Variants in ITPR3 observed in about 807,000 individuals in gnomAD.
The protein encoded by ITPR3 is inositol 1,4,5-trisphosphate receptor type 3.
A neutral mutation model predicts 293.2 loss-of-function variants in ITPR3; 173 were observed. The ratio of observed to expected loss-of-function variants is 0.59; its 90% CI spans 0.52 to 0.67. The LOEUF (loss-of-function observed/expected upper bound fraction) is 0.67. ITPR3 is among the 30% of genes least tolerant of loss of function. The pLI is 0.00. For synonymous variants in ITPR3, 1,295 were observed against 1,444.4 expected (o/e 0.90, Z 2.35); for missense variants, 2,796 against 3,592.1 (o/e 0.78, Z 5.66).
chr6:33,662,227 A>G (rs1387827320), intron 7 of ITPR3, among the ~76,000 whole-genome samples: 2 of 151,744 alleles, frequency 1.3e-5, no homozygotes, highest in Non-Finnish European at 2.9e-5. Context: ...GGGCCGTTAG[A>G]GGTTAGGCAG....
At chr6:33,680,504 T>G (rs1765043753) in intron 32 of ITPR3, 50 bp downstream of exon 32, 1 of 1,610,340 alleles carries the variant, frequency 6.2e-7, no homozygotes, top group East Asian at 2.2e-5. Flanking sequence ...GGTGTGGGAG[T>G]GGAGGGGCCC....
At chr6:33,625,559 C>T (rs1227548529) in intron 1 of ITPR3, among the ~76,000 whole-genome samples, 2 of 152,166 alleles carry the variant, frequency 1.3e-5, no homozygotes, top group Admixed American at 6.5e-5. Flanking sequence ...AGAGAGGTAG[C>T]CCCAGACCCA....
In ITPR3 at chr6:33,670,051, C is replaced by T. The variant is rs1764714363; in HGVS notation, c.2190-274C>T. Among the ~76,000 whole-genome samples, 1 of 152,082 alleles carries T rather than the reference C, an allele frequency of 6.6e-6. No individual in the cohort carries two copies. The highest frequency in any genetic ancestry group is 1.5e-5 in the Non-Finnish European group (1 of 67,990). On this transcript the variant is annotated intron_variant, in intron 18 of 57. Transcript: ENST00000605930. This position sits in a 1 kb window ranked among gnomAD's most constrained non-coding sequence, Gnocchi z 6.7. ...GGCTGGCTCTTCTCATCTCACTGCCCTCCCCTGTCTCCCACCCTTTCCCTC... is the reference window on the plus strand; with the variant it reads ...GGCTGGCTCTTCTCATCTCACTGCCTTCCCCTGTCTCCCACCCTTTCCCTC...
At position 33,686,453 on chromosome 6, in the gene ITPR3, C is replaced by G; in HGVS notation, c.5913C>G (p.Thr1971=). The part of the protein sequence containing the change: ...THESNGIDII[T]ALILNDISPL... ...AGTCCAATGGCATAGACATCATCAC[C>G]GCACTGATCCTCAATGACATCAGCC... Residue 1971 remains threonine, a synonymous_variant, in exon 43 of 58, where the codon ACC becomes ACG. Transcript: ENST00000605930. 1 of 1,614,242 alleles carries G rather than the reference C, an allele frequency of 6.2e-7. No individual in the cohort carries two copies. The highest frequency in any genetic ancestry group is 8.5e-7 in the Non-Finnish European group (1 of 1,180,046).
rs909246381 is a variant in ITPR3 at position 33,632,814 on chromosome 6, C to A, written c.90-7670C>A. Among the ~76,000 whole-genome samples the A allele has an allele frequency of 6.6e-6, 1 of 152,242 alleles. No individual in the cohort carries two copies. Among genetic ancestry groups the A allele is most frequent in the Non-Finnish European group, 1.5e-5 (1 of 68,036 alleles). On this transcript the variant is annotated intron_variant, in intron 1 of 57. Transcript: ENST00000605930. This position sits in a 1 kb window ranked among gnomAD's most constrained non-coding sequence, Gnocchi z 4.1. ...GCTGGTCCTGGAGGGGAGAAGGGGA[C>A]ACACAGGTGTAGACAGGGCTCCTGT...
chr6:33,683,716 C>T lies in ITPR3; in HGVS notation c.4789-304C>T, dbSNP rs1006888272. 6.6e-6 allele frequency among the ~76,000 whole-genome samples: 1 copy of T among 152,180 alleles called. No homozygotes were observed. The highest frequency in any genetic ancestry group is 1.5e-5 in the Non-Finnish European group (1 of 68,030). ...TGCAGCACATTTCTGTGCGCTGTCT[C>T]GTTGGCCTGTAGAGGGGGTGTGGTG... On this transcript the variant is annotated intron_variant, in intron 35 of 57. Transcript: ENST00000605930. This position sits in a 1 kb window ranked among gnomAD's most constrained non-coding sequence, Gnocchi z 4.5.
rs1765549406 is a variant in ITPR3 at position 33,696,526 on chromosome 6, A to G, written c.*746A>G. 6.6e-6 allele frequency: 1 copy of G among 152,650 alleles called. No individual in the cohort carries two copies. The highest frequency in any genetic ancestry group is 2.4e-5 in the African/African-American group (1 of 41,464). 9.5% of individuals were successfully genotyped at this position (152,650 alleles called of 1,614,324 possible). On this transcript the variant is annotated 3_prime_UTR_variant, in exon 58 of 58. Coordinates refer to ENST00000605930, the MANE Select transcript of ITPR3 (RefSeq NM_002224.4). ...TACAAATCCTTTGGCCTGAGAACTA[A>G]TATGTTAATTGCCTTAAATAAATTA...
chr6:33,693,307 T>C (rs1201949133), intron 55 of ITPR3, among the ~76,000 whole-genome samples: 1 of 152,222 alleles, frequency 6.6e-6, no homozygotes, highest in Non-Finnish European at 1.5e-5. Context: ...TTCTCGCGTT[T>C]ACTCCTGGAG....
Position 33,632,844 on chromosome 6 carries a change from G to A in ITPR3, c.90-7640G>A, listed in dbSNP as rs1314617194. On this transcript the variant is annotated intron_variant, in intron 1 of 57. Coordinates refer to ENST00000605930, the MANE Select transcript of ITPR3 (RefSeq NM_002224.4). The surrounding 1 kb of genome is among the most constrained non-coding windows in gnomAD (Gnocchi z 4.1). The stretch of plus-strand genomic sequence containing the variant: ...AGGTGTAGACAGGGCTCCTGTCCTC[G>A]GCACTCAGCGTGGTCGCAGGAGATC... 6.6e-6 allele frequency among the ~76,000 whole-genome samples: 1 copy of A among 152,204 alleles called. No individual in the cohort carries two copies. Among genetic ancestry groups the A allele is most frequent in the South Asian group, 2.1e-4 (1 of 4,834 alleles).
Position 33,679,290 on chromosome 6 carries a change from A to C in ITPR3, c.3972+451A>C, listed in dbSNP as rs1269228352. Among the ~76,000 whole-genome samples the C allele has an allele frequency of 6.6e-6, 1 of 152,006 alleles. No individual in the cohort carries two copies. The highest frequency in any genetic ancestry group is 1.9e-4 in the East Asian group (1 of 5,176). ...GGCGCATAGTAGGTTCTCAACAGAC[A>C]CCTGTTGAGTGAAGGCACGAAGGAT... is the stretch of plus-strand genomic sequence containing the variant. On this transcript the variant is annotated intron_variant, in intron 30 of 57. Coordinates refer to ENST00000605930, the MANE Select transcript of ITPR3 (RefSeq NM_002224.4). This position sits in a 1 kb window ranked among gnomAD's most constrained non-coding sequence, Gnocchi z 4.2.
chr6:33,629,215 A>AT (rs35548755), intron 1 of ITPR3, among the ~76,000 whole-genome samples: 130,780 of 152,104 alleles, frequency 0.86, 56,310 homozygotes, highest in East Asian at 0.96. Flanking sequence ...ATGATAAATT[A>AT]CATACATTGC....
intron 17 of ITPR3, 70 bp downstream of exon 17, chr6:33,668,704 C>T (rs1764679032): frequency 6.2e-7 from 1 of 1,603,072 alleles, no homozygotes; most frequent in South Asian, 1.1e-5. Context: ...AGAGCTTAGG[C>T]CCTGTCTGGG....
In ITPR3 at chr6:33,689,322, G is replaced by T; in HGVS notation, c.6779G>T (p.Ser2260Ile). The change falls in exon 50 of 58, where the codon AGC (serine) becomes ATC (isoleucine). Residue 2260 changes from serine to isoleucine, a missense_variant. Transcript: ENST00000605930. Reference sequence around the variant, plus strand: ...GCGGCCCTGTTCACCAAGCGCTACAGCATCCGCCCCCTCATCGTGGCGCTC... The same window carrying T: ...GCGGCCCTGTTCACCAAGCGCTACATCATCCGCCCCCTCATCGTGGCGCTC... The part of the protein sequence containing the change: ...SIAALFTKRY[S>I]IRPLIVALIL... 6.2e-7 allele frequency: 1 copy of T among 1,612,814 alleles called. No individual in the cohort carries two copies.
chr6:33,659,070 C>A lies in ITPR3; in HGVS notation c.578C>A (p.Pro193His). The change falls in exon 6 of 58, where the codon CCT (proline) becomes CAT (histidine). Residue 193 changes from proline (P) to histidine (H), a missense_variant. Around this residue, in one of 8 missense-constraint regions of ITPR3, gnomAD observed 144 missense variants for 230.8 expected, o/e 0.62. Transcript: ENST00000605930. ...VILNPVNAGQ[P>H]LHASNYELSD... ...CTGAATCCTGTCAATGCCGGGCAGC[C>A]TCTGCATGCCAGCAATTACGAGCTC... 6.2e-7 allele frequency: 1 copy of A among 1,614,096 alleles called. No homozygotes were observed. The highest frequency in any genetic ancestry group is 8.5e-7 in the Non-Finnish European group (1 of 1,179,996).
Position 33,691,882 on chromosome 6 carries a change from G to C in ITPR3, c.7412G>C (p.Arg2471Pro). 6.2e-7 allele frequency: 1 copy of C among 1,614,154 alleles called. No individual in the cohort carries two copies. Among genetic ancestry groups the C allele is most frequent in the South Asian group, 1.1e-5 (1 of 91,086 alleles). Reference sequence around the variant, plus strand: ...GTCACTGTCATGAACCATGGGCTACGCAACGGTGGTGGCGTGGGCGACATT... The same window carrying C: ...GTCACTGTCATGAACCATGGGCTACCCAACGGTGGTGGCGTGGGCGACATT... ...CIVTVMNHGL[R>P]NGGGVGDILR... is the part of the protein sequence containing the mutation. The change falls in exon 54 of 58, where the codon CGC (arginine) becomes CCC (proline). Residue 2471 changes from arginine to proline, a missense_variant. Physicochemically the swap from Arg to Pro is moderately radical, Grantham distance 103. Coordinates refer to ENST00000605930, the MANE Select transcript of ITPR3 (RefSeq NM_002224.4). This position sits in a 1 kb window ranked among gnomAD's most constrained non-coding sequence, Gnocchi z 4.9.
At chr6:33,661,992 G>GAAAAA (rs55958712) in intron 7 of ITPR3, among the ~76,000 whole-genome samples, 1,714 of 47,130 alleles carry the variant, frequency 0.036, 249 homozygotes, top group African/African-American at 0.071. Flanking sequence ...GACTGTCTCT[G>GAAAAA]AAAAAAAAAA....
rs1763874962 is a variant in ITPR3, at chr6:33,638,466, A to G, written c.90-2018A>G. ...GCCCCATCCTCAGGGGCTTTCCAAA[A>G]GTCACCTCATTAACATAAAACCAGG... On this transcript the variant is annotated intron_variant, in intron 1 of 57. Transcript: ENST00000605930. This position sits in a 1 kb window ranked among gnomAD's most constrained non-coding sequence, Gnocchi z 4.3. Among the ~76,000 whole-genome samples, 1 of 152,198 alleles carries G rather than the reference A, an allele frequency of 6.6e-6. No homozygotes were observed. Among genetic ancestry groups the G allele is most frequent in the Admixed American group, 6.5e-5 (1 of 15,280 alleles).
intron 7 of ITPR3, among the ~76,000 whole-genome samples, chr6:33,661,585 G>A (rs1031525279): frequency 2.0e-5 from 3 of 152,118 alleles, no homozygotes; most frequent in Non-Finnish European, 2.9e-5. Flanking sequence ...ACTTCATCAC[G>A]CATATTATAA....
At position 33,684,577 on chromosome 6, in the gene ITPR3, C is replaced by T. The variant is rs1020398573; in HGVS notation, c.5047-21C>T. ...TGGTGGGCTGTACCCACAATGGGGC[C>T]TCACTCCCATCCTCCCCCAGGGCAA... is the stretch of plus-strand genomic sequence containing the variant. On this transcript the variant is annotated intron_variant, in intron 37 of 57. Coordinates refer to ENST00000605930, the MANE Select transcript of ITPR3 (RefSeq NM_002224.4). This position sits in a 1 kb window ranked among gnomAD's most constrained non-coding sequence, Gnocchi z 4.2. 4.3e-6 allele frequency: 7 copies of T among 1,612,548 alleles called. No individual in the cohort carries two copies. Among genetic ancestry groups the T allele is most frequent in the Non-Finnish European group, 5.9e-6 (7 of 1,178,612 alleles).
Sources: allele counts gnomAD v4.1 joint callset (sites outside exome capture counted in the v4.1 genomes callset), GRCh38; gene constraint gnomAD v4.1.1; regional missense constraint gnomAD v4.1.1; non-coding constraint Gnocchi (gnomAD v3.1); transcripts MANE v1.5; gene names NCBI Gene and HGNC (gene_info 2026-07-23, HGNC 2026-07-21).